Variants in TBL1XR1 observed in about 807,000 individuals in gnomAD.
The protein encoded by TBL1XR1 is TBL1X/Y related 1, also known as F-box-like/WD repeat-containing protein TBL1XR1.
In TBL1XR1, 5 loss-of-function variants were observed where a neutral mutation model predicts 66.9. The observed-to-expected ratio is 0.07, with a 90% confidence interval of 0.04 to 0.16. The LOEUF (loss-of-function observed/expected upper bound fraction) is 0.16. Ranked by LOEUF, TBL1XR1 falls within the 10% of genes least tolerant of loss-of-function variation. The probability of loss-of-function intolerance (pLI) is 1.00; values close to 1 mark genes in which losing one functional copy is unlikely to be tolerated. For synonymous variants in TBL1XR1, 210 were observed against 206.0 expected, an observed-to-expected ratio of 1.02 and a Z score of -0.17; for missense variants, 238 against 623.2, an observed-to-expected ratio of 0.38 and a Z score of 6.58.
chr3:177,086,529 CTCT>C (rs1446192088), intron 2 of TBL1XR1, among the ~76,000 whole-genome samples: 5 of 152,018 alleles, frequency 3.3e-5, no homozygotes, highest in Non-Finnish European at 7.4e-5. Flanking sequence ...AAAGTGTCTG[CTCT>C]GTTACATGAC....
rs1736240290 is a variant in TBL1XR1, at chr3:177,192,257, A to G, written c.-122+4864T>C. ...AAAAATTAGCTGGGCGTGGTGGCGC[A>G]TGCCTATAATCCCAGCTAGGAGGCT... On this transcript the variant is annotated intron_variant, in intron 1 of 15. Transcript: ENST00000457928. Among the ~76,000 whole-genome samples, 3 of 151,612 alleles carry G rather than the reference A, an allele frequency of 2.0e-5. No homozygotes were observed. In the South Asian group the frequency reaches 6.2e-4, roughly 32 times the overall value.
rs181571053 is a variant in TBL1XR1 at position 177,047,200 on chromosome 3, C to T, written c.864+100G>A. 2.4e-4 allele frequency: 235 copies of T among 968,916 alleles called. 1 individual carries two copies. The highest frequency in any genetic ancestry group is 3.4e-4 in the Middle Eastern group (1 of 2,978). The allele number at this position is 968,916 out of a possible 1,614,324, so 60.0% of individuals were successfully genotyped here. On this transcript the variant is annotated intron_variant, in intron 9 of 15. Coordinates refer to ENST00000457928, the MANE Select transcript of TBL1XR1 (RefSeq NM_024665.7). The stretch of plus-strand genomic sequence containing the variant: ...TAGCATAAATTCCTATGTGAATTTC[C>T]CAAATAGGAATGTTTATGTAATTGG...
intron 1 of TBL1XR1, among the ~76,000 whole-genome samples, chr3:177,124,536 A>T (rs1000894751): frequency 2.0e-5 from 3 of 152,050 alleles, no homozygotes; most frequent in Non-Finnish European, 4.4e-5. Context: ...CTATAGGGCT[A>T]AATAAACAAA....
In TBL1XR1 at chr3:177,020,240, A is replaced by T. The variant is rs1712176630; in HGVS notation, c.*5258T>A. 6.6e-6 allele frequency: 1 copy of T among 151,956 alleles called. No individual in the cohort carries two copies. Among genetic ancestry groups the T allele is most frequent in the African/African-American group, 2.4e-5 (1 of 41,382 alleles). 9.4% of individuals were successfully genotyped at this position (151,956 alleles called of 1,614,324 possible). A position where few individuals can be genotyped will look rare whatever the true frequency, so the allele number is the denominator to read the frequency against. On this transcript the variant is annotated 3_prime_UTR_variant, in exon 16 of 16. Transcript: ENST00000457928. ...TTGTTTTGTGCTCAACCGTGTGGCTAACCAAACAAATGTTATCTAAGGTCT... is the reference window on the plus strand; with the variant it reads ...TTGTTTTGTGCTCAACCGTGTGGCTTACCAAACAAATGTTATCTAAGGTCT...
intron 1 of TBL1XR1, among the ~76,000 whole-genome samples, chr3:177,137,914 G>A (rs1037527111): frequency 6.6e-6 from 1 of 152,212 alleles, no homozygotes; most frequent in Non-Finnish European, 1.5e-5. Flanking sequence ...GGGCTGCAGT[G>A]AGCTGTGATC....
intron 1 of TBL1XR1, among the ~76,000 whole-genome samples, chr3:177,119,523 T>C (rs1440097237): frequency 1.3e-5 from 2 of 152,286 alleles, no homozygotes; most frequent in South Asian, 2.1e-4. Context: ...GAAACCTACA[T>C]AGAATGGTTA....
intron 1 of TBL1XR1, among the ~76,000 whole-genome samples, chr3:177,133,352 T>C (rs1167885698): frequency 2.6e-5 from 4 of 152,326 alleles, no homozygotes; most frequent in East Asian, 3.9e-4. Flanking sequence ...TGACATTATC[T>C]GTATTTACCA....
intron 2 of TBL1XR1, among the ~76,000 whole-genome samples, chr3:177,083,520 C>T (rs1412184353): frequency 6.6e-6 from 1 of 151,914 alleles, no homozygotes; most frequent in Non-Finnish European, 1.5e-5. Flanking sequence ...TTGATGAATG[C>T]CATAAAAAAA....
chr3:177,166,038 C>CAA (rs1284918276), intron 1 of TBL1XR1, among the ~76,000 whole-genome samples: 1 of 151,990 alleles, frequency 6.6e-6, no homozygotes, highest in Admixed American at 6.6e-5. Context: ...TGCAGGAAGC[C>CAA]AAGATAACCT....
intron 1 of TBL1XR1, among the ~76,000 whole-genome samples, chr3:177,127,940 C>T (rs757786666): frequency 5.3e-5 from 8 of 152,118 alleles, no homozygotes; most frequent in South Asian, 2.1e-4. Context: ...TAAAACGGGC[C>T]GGGCGCAGTG....
At chr3:177,148,719 A>G (rs1270624784) in intron 1 of TBL1XR1, among the ~76,000 whole-genome samples, 3 of 151,764 alleles carry the variant, frequency 2.0e-5, no homozygotes, top group Non-Finnish European at 4.4e-5. Context: ...AATAAAAATA[A>G]TAAAAATTGG....
chr3:177,093,571 T>TA (rs1437901046), intron 2 of TBL1XR1, among the ~76,000 whole-genome samples: 3 of 152,098 alleles, frequency 2.0e-5, no homozygotes, highest in Admixed American at 2.0e-4. Context: ...GATCTCAAAC[T>TA]ATACTATAAG....
chr3:177,044,301 G>A (rs997651873), intron 10 of TBL1XR1, among the ~76,000 whole-genome samples: 2 of 152,132 alleles, frequency 1.3e-5, no homozygotes, highest in East Asian at 3.8e-4. Context: ...CCAACCCCCT[G>A]TGCAGTTGGA....
chr3:177,039,317 A>AT (rs1715250543), intron 10 of TBL1XR1, among the ~76,000 whole-genome samples: 1 of 152,206 alleles, frequency 6.6e-6, no homozygotes, highest in Non-Finnish European at 1.5e-5. Context: ...ACCAGGTGAG[A>AT]TCATGTGTGT....
intron 1 of TBL1XR1, among the ~76,000 whole-genome samples, chr3:177,114,455 G>C (rs936315056): frequency 1.3e-5 from 2 of 151,816 alleles, no homozygotes; most frequent in African/African-American, 4.8e-5. Context: ...TAGCTGCCCA[G>C]CAAGACCAGC....
intron 1 of TBL1XR1, among the ~76,000 whole-genome samples, chr3:177,165,333 G>A (rs116596543): frequency 0.016 from 2,394 of 152,200 alleles, 55 homozygotes; most frequent in African/African-American, 0.055. Context: ...AAAGTCTGAT[G>A]AAATAAATCA....
At position 177,110,471 on chromosome 3, in the gene TBL1XR1, G is replaced by A. The variant is rs190469346; in HGVS notation, c.-121-11930C>T. ...ACAAAACACAAACCAGAACTTCTTT[G>A]CTTAAGAACACCTGGTCTTGGTTTT... On this transcript the variant is annotated intron_variant, in intron 1 of 15. Transcript: ENST00000457928. Among the ~76,000 whole-genome samples, 362 of 152,190 alleles carry A rather than the reference G, an allele frequency of 2.4e-3. 6 individuals carry two copies. The highest frequency in any genetic ancestry group is 1.2e-4 in the Non-Finnish European group (8 of 68,000).
intron 2 of TBL1XR1, among the ~76,000 whole-genome samples, chr3:177,090,996 A>G (rs535466088): frequency 2.0e-5 from 3 of 152,050 alleles, no homozygotes; most frequent in African/African-American, 7.2e-5. Flanking sequence ...TGAAAAGAAG[A>G]AAAGAAAGAA....
chr3:177,146,589 C>CAAAAAAA lies in TBL1XR1; in HGVS notation c.-121-48055_-121-48049dup, dbSNP rs78065426. Among the ~76,000 whole-genome samples the CAAAAAAA allele has an allele frequency of 2.9e-3, 152 of 51,952 alleles. 16 individuals carry two copies. The highest frequency in any genetic ancestry group is 4.7e-3 in the Admixed American group (18 of 3,800). The allele number at this position is 51,952 out of a possible 152,430, so 34.1% of individuals were successfully genotyped here. A position where few individuals can be genotyped will look rare whatever the true frequency, so the allele number is the denominator to read the frequency against. On this transcript the variant is annotated intron_variant, in intron 1 of 15. Transcript: ENST00000457928. ...TGGGCAGCTGAGCGAGACTCCATCT[C>CAAAAAAA]AAAAAAAAAAAAAAAAAAGTTGTAT...
Sources: allele counts gnomAD v4.1 joint callset (sites outside exome capture counted in the v4.1 genomes callset), GRCh38; gene constraint gnomAD v4.1.1; transcripts MANE v1.5; gene names NCBI Gene and HGNC (gene_info 2026-07-23, HGNC 2026-07-21).